Variants in FREM3 observed in about 807,000 individuals in gnomAD.
FREM3 encodes the protein FRAS1-related extracellular matrix protein 3.
Under a neutral mutation model 129.1 loss-of-function variants are expected in FREM3, and 105 were observed. The ratio of observed to expected loss-of-function variants is 0.81; its 90% CI spans 0.69 to 0.96. The LOEUF (loss-of-function observed/expected upper bound fraction) is 0.96. FREM3 is among the 40% of genes least tolerant of loss of function. The probability of loss-of-function intolerance (pLI) is 0.00; values close to 1 mark genes in which losing one functional copy is unlikely to be tolerated. For missense variants in FREM3, 2,593 were observed against 2,666.3 expected (o/e 0.97, Z 0.61); for synonymous variants, 1,014 against 1,044.9 (o/e 0.97, Z 0.57).
rs554070645 is a variant in FREM3 at position 143,667,539 on chromosome 4, A to T, written c.5275+25574T>A. ...AGAAAATCATTGTCTCAGGAAACTC[A>T]TTTTTTTTTCTCCCAGTTCCTTGCC... On this transcript the variant is annotated intron_variant, in intron 2 of 7. Transcript: ENST00000329798. Among the ~76,000 whole-genome samples, 3 of 151,610 alleles carry T rather than the reference A, an allele frequency of 2.0e-5. No individual in the cohort carries two copies. In the South Asian group the frequency reaches 6.2e-4, roughly 32 times the overall value.
intron 2 of FREM3, among the ~76,000 whole-genome samples, chr4:143,672,842 T>A (rs1046617718): frequency 1.7e-4 from 26 of 152,238 alleles, no homozygotes; most frequent in Non-Finnish European, 7.3e-5. Context: ...TTCGTTCATT[T>A]GATCTTCAAT....
chr4:143,679,846 G>A (rs1318943445), intron 2 of FREM3, among the ~76,000 whole-genome samples: 1 of 152,142 alleles, frequency 6.6e-6, no homozygotes, highest in African/African-American at 2.4e-5. Context: ...GAGGAAACAA[G>A]TTAGCAACAA....
chr4:143,634,981 C>T (rs1739208741), intron 2 of FREM3, among the ~76,000 whole-genome samples: 1 of 152,078 alleles, frequency 6.6e-6, no homozygotes, highest in Non-Finnish European at 1.5e-5. Context: ...AGGCAGTCAG[C>T]CAGATGATGC....
intron 2 of FREM3, among the ~76,000 whole-genome samples, chr4:143,655,710 C>T (rs1477133916): frequency 6.6e-6 from 1 of 152,142 alleles, no homozygotes; most frequent in African/African-American, 2.4e-5. Context: ...AAATTCATTT[C>T]ATCAGTGCTT....
intron 2 of FREM3, among the ~76,000 whole-genome samples, chr4:143,655,994 C>T (rs191509617): frequency 1.3e-5 from 2 of 152,210 alleles, no homozygotes; most frequent in Non-Finnish European, 2.9e-5. Context: ...CCAATATTAC[C>T]TACAATAAGT....
At chr4:143,672,997 T>C (rs934054354) in intron 2 of FREM3, among the ~76,000 whole-genome samples, 5 of 152,210 alleles carry the variant, frequency 3.3e-5, no homozygotes, top group African/African-American at 7.2e-5. Flanking sequence ...ATTTGTCTTA[T>C]CTTTTTTCAA....
intron 7 of FREM3, among the ~76,000 whole-genome samples, chr4:143,578,563 CTGG>C (rs1738079969): frequency 6.6e-6 from 1 of 152,146 alleles, no homozygotes; most frequent in Non-Finnish European, 1.5e-5. Flanking sequence ...ATGAGGAACC[CTGG>C]CAGATACTAC....
chr4:143,622,390 G>A (rs1022243103), intron 4 of FREM3, among the ~76,000 whole-genome samples: 2 of 144,258 alleles, frequency 1.4e-5, no homozygotes, highest in African/African-American at 5.1e-5. Flanking sequence ...CACTGCACCC[G>A]GCTGGCAATC....
At chr4:143,635,751 G>A (rs1360310789) in intron 2 of FREM3, among the ~76,000 whole-genome samples, 1 of 152,128 alleles carries the variant, frequency 6.6e-6, no homozygotes, top group East Asian at 1.9e-4. Flanking sequence ...ACTCTCTATT[G>A]AATTCAAAAG....
Position 143,586,185 on chromosome 4 carries a change from A to G in FREM3, c.6029-192T>C, listed in dbSNP as rs1738241347. 2.0e-5 allele frequency among the ~76,000 whole-genome samples: 3 copies of G among 152,188 alleles called. No individual in the cohort carries two copies. The South Asian group carries it at 6.2e-4, about 31-fold the overall frequency. ...AAAAGCCACATCAGAGTCACATACC[A>G]TGACTTTGACTCCAGGAAATGCCAT... On this transcript the variant is annotated intron_variant, in intron 6 of 7. Coordinates refer to ENST00000329798, the MANE Select transcript of FREM3 (RefSeq NM_001168235.2).
intron 2 of FREM3, among the ~76,000 whole-genome samples, chr4:143,634,249 G>C (rs1400672412): frequency 6.6e-6 from 1 of 152,128 alleles, no homozygotes; most frequent in Non-Finnish European, 1.5e-5. Context: ...GTAAATTCAG[G>C]AGTAATTATT....
chr4:143,684,668 A>T (rs1393591892), intron 2 of FREM3, among the ~76,000 whole-genome samples: 1 of 152,262 alleles, frequency 6.6e-6, no homozygotes, highest in East Asian at 1.9e-4. Context: ...TCCCTGATTT[A>T]CCTGAAAACG....
intron 2 of FREM3, among the ~76,000 whole-genome samples, chr4:143,689,458 C>T (rs1246090758): frequency 1.3e-5 from 2 of 152,238 alleles, no homozygotes; most frequent in East Asian, 3.9e-4. Context: ...ACAGCCACTA[C>T]AGAAAATAGT....
chr4:143,678,832 A>G (rs1740196849), intron 2 of FREM3, among the ~76,000 whole-genome samples: 1 of 152,100 alleles, frequency 6.6e-6, no homozygotes, highest in African/African-American at 2.4e-5. Flanking sequence ...AGCTTAGGTA[A>G]ATCCATTTGT....
rs950621827 is a variant in FREM3, at chr4:143,700,517, G to A, written c.159C>T (p.Asp53=). The A allele has an allele frequency of 2.6e-6, 4 of 1,517,812 alleles. No individual in the cohort carries two copies. In the African/African-American group the frequency reaches 4.1e-5, roughly 16 times the overall value. The allele number at this position is 1,517,812 out of a possible 1,614,324, so 94.0% of individuals were successfully genotyped here. A position where few individuals can be genotyped will look rare whatever the true frequency, so the allele number is the denominator to read the frequency against. Residue 53 remains aspartate, a synonymous_variant, in exon 1 of 8, where the codon GAC becomes GAT. Coordinates refer to ENST00000329798, the MANE Select transcript of FREM3 (RefSeq NM_001168235.2). The stretch of plus-strand genomic sequence containing the variant: ...CGCTGGGGCCGTCGGGGCGAGTGCC[G>A]TCAAGCGCACCCCGGGCGGGCAGGT... ...ALYLPARGAL[D]GTRPDGPSVL... is the part of the protein sequence containing the mutation.
chr4:143,692,372 G>A (rs1740488295), intron 2 of FREM3, among the ~76,000 whole-genome samples: 1 of 152,136 alleles, frequency 6.6e-6, no homozygotes, highest in African/African-American at 2.4e-5. Context: ...GATTTAGGCA[G>A]AAAATGCAGG....
chr4:143,698,625 T>C lies in FREM3; in HGVS notation c.2051A>G (p.Asn684Ser). 6.5e-7 allele frequency: 1 copy of C among 1,537,748 alleles called. No homozygotes were observed. The highest frequency in any genetic ancestry group is 8.7e-7 in the Non-Finnish European group (1 of 1,147,030). ...FHVQDDHDPP[N>S]LSKQHIFTIK... ...GGTGAAAATGTGCTGTTTGGAGAGA[T>C]TGGGTGGGTCATGGTCATCCTGCAC... Residue 684 changes from asparagine to serine, a missense_variant, in exon 1 of 8, where the codon AAT becomes AGT. Coordinates refer to ENST00000329798, the MANE Select transcript of FREM3 (RefSeq NM_001168235.2).
chr4:143,698,126 A>T lies in FREM3; in HGVS notation c.2550T>A (p.Asn850Lys). The change falls in exon 1 of 8, where the codon AAT becomes AAA. Residue 850 changes from asparagine to lysine, a missense_variant. Physicochemically the swap from Asn to Lys is moderately conservative, Grantham distance 94 (BLOSUM62 0). This residue lies in a region of FREM3 where 2,276 missense variants were observed against 2,267.2 expected (regional missense o/e 1.00). Transcript: ENST00000329798. ...LEGGSFNLSSNELHVTDPDTD... is the reference protein window; with the variant it reads ...LEGGSFNLSSKELHVTDPDTD... ...TGTCTGGGTCTGTAACATGCAGCTC[A>T]TTACTGCTGAGGTTAAAGCTGCCTC... 3 of 1,537,452 alleles carry T rather than the reference A, an allele frequency of 2.0e-6. No individual in the cohort carries two copies. The highest frequency in any genetic ancestry group is 2.6e-6 in the Non-Finnish European group (3 of 1,146,942).
intron 5 of FREM3, among the ~76,000 whole-genome samples, chr4:143,614,104 T>C (rs541788181): frequency 6.6e-5 from 10 of 152,346 alleles, no homozygotes; most frequent in African/African-American, 2.4e-4. Context: ...CATTTGGCGA[T>C]TGAACTCTGC....
Sources: gnomAD v4.1 joint callset for allele counts (sites outside exome capture counted in the v4.1 genomes callset) on GRCh38, gnomAD v4.1.1 for gene constraint, gnomAD v4.1.1 regional missense constraint, MANE v1.5 for transcripts, NCBI Gene and HGNC (gene_info 2026-07-23, HGNC 2026-07-21) for gene names.